The following SLC24A2 variants were observed in gnomAD, a reference collection of about 807,000 sequenced individuals.
SLC24A2 encodes solute carrier family 24 member 2, also known as sodium/potassium/calcium exchanger 2.
Under a neutral mutation model 62.0 loss-of-function variants are expected in SLC24A2, and 36 were observed. That is an observed-to-expected ratio of 0.58 (90% confidence interval 0.44 to 0.77). SLC24A2 has a LOEUF of 0.77. Among genes scored for constraint, SLC24A2 ranks in the 30% least tolerant of loss-of-function variants. The pLI, the probability that SLC24A2 is intolerant of heterozygous loss-of-function variation, is 0.00. For synonymous variants in SLC24A2, 358 were observed against 294.0 expected (o/e 1.22, Z -2.23); for missense variants, 846 against 817.9 (o/e 1.03, Z -0.42).
the SLC24A2 span, among the ~76,000 whole-genome samples, chr9:19,835,853 G>C: frequency 6.6e-6 from 1 of 152,160 alleles, no homozygotes; most frequent in Non-Finnish European, 1.5e-5. Context: ...AAATGTGAAA[G>C]AACAGAAATT....
chr9:20,062,711 A>G, the SLC24A2 span, among the ~76,000 whole-genome samples: 1 of 119,768 alleles, frequency 8.3e-6, no homozygotes, highest in African/African-American at 3.5e-5. Flanking sequence ...GGCAACCTAC[A>G]AAATGGGAGA....
At position 19,516,109 on chromosome 9, in the gene SLC24A2, G is replaced by A. The variant is rs780918051; in HGVS notation, c.*44C>T. On this transcript the variant is annotated 3_prime_UTR_variant, in exon 11 of 11. Coordinates refer to ENST00000341998, the MANE Select transcript of SLC24A2 (RefSeq NM_020344.4). ...TCAAGGAGCCCAGAGCCCAGAGTGTGGAGGGACCATTCATGCTGCTGGTGC... is the reference window on the plus strand; with the variant it reads ...TCAAGGAGCCCAGAGCCCAGAGTGTAGAGGGACCATTCATGCTGCTGGTGC... 9.3e-6 allele frequency: 15 copies of A among 1,612,606 alleles called. No individual in the cohort carries two copies. Among genetic ancestry groups the A allele is most frequent in the Non-Finnish European group, 1.3e-5 (15 of 1,179,134 alleles).
At chr9:20,303,976 G>A in the SLC24A2 span, among the ~76,000 whole-genome samples, 16 of 152,322 alleles carry the variant, frequency 1.1e-4, no homozygotes, top group African/African-American at 3.8e-4. Context: ...CTAAGTGACA[G>A]TGACCACATA....
chr9:20,144,119 A>C, the SLC24A2 span, among the ~76,000 whole-genome samples: 32 of 152,212 alleles, frequency 2.1e-4, no homozygotes, highest in Non-Finnish European at 3.4e-4. Flanking sequence ...AAGGACAGAA[A>C]TAAAAGAAGA....
At chr9:19,557,592 G>T (rs745639622) in intron 7 of SLC24A2, among the ~76,000 whole-genome samples, 1 of 152,154 alleles carries the variant, frequency 6.6e-6, no homozygotes, top group Non-Finnish European at 1.5e-5. Flanking sequence ...ATAAATGCTG[G>T]CAGGGCCAGC....
the SLC24A2 span, among the ~76,000 whole-genome samples, chr9:19,900,561 T>G: frequency 6.6e-6 from 1 of 152,166 alleles, no homozygotes; most frequent in Non-Finnish European, 1.5e-5. Context: ...CTCTTATGAG[T>G]CTCAGTTGCT....
At chr9:19,896,830 G>A in the SLC24A2 span, among the ~76,000 whole-genome samples, 5 of 152,144 alleles carry the variant, frequency 3.3e-5, no homozygotes, top group Non-Finnish European at 7.3e-5. Flanking sequence ...TTATATCATT[G>A]ATTTGTGAGG....
At chr9:20,022,589 T>C in the SLC24A2 span, among the ~76,000 whole-genome samples, 1 of 152,200 alleles carries the variant, frequency 6.6e-6, no homozygotes, top group Admixed American at 6.5e-5. Flanking sequence ...ACGTGCTTAC[T>C]GTCTCACCCA....
intron 5 of SLC24A2, among the ~76,000 whole-genome samples, chr9:19,584,240 A>C (rs919730062): frequency 1.4e-5 from 2 of 146,640 alleles, no homozygotes; most frequent in African/African-American, 5.1e-5. Context: ...CTTTCAAGTT[A>C]GTACAAGTCA....
chr9:20,266,420 G>A, the SLC24A2 span, among the ~76,000 whole-genome samples: 1 of 152,142 alleles, frequency 6.6e-6, no homozygotes, highest in Non-Finnish European at 1.5e-5. Context: ...GTCTCTGGGT[G>A]TTCCCTATAG....
At chr9:19,919,586 G>A in the SLC24A2 span, among the ~76,000 whole-genome samples, 4 of 152,098 alleles carry the variant, frequency 2.6e-5, no homozygotes, top group South Asian at 2.1e-4. Flanking sequence ...TTCCAAAAAA[G>A]TCTGTATTAA....
chr9:19,648,645 C>T (rs1328410777), intron 2 of SLC24A2, among the ~76,000 whole-genome samples: 15 of 152,108 alleles, frequency 9.9e-5, no homozygotes, highest in Admixed American at 9.8e-4. Flanking sequence ...ATAGGATAAG[C>T]ATTATTTAAT....
chr9:19,551,273 A>G (rs755266317), intron 7 of SLC24A2, among the ~76,000 whole-genome samples: 19 of 152,246 alleles, frequency 1.2e-4, no homozygotes, highest in Non-Finnish European at 2.4e-4. Context: ...CAAGCAAGAC[A>G]GTGAACCTGC....
the SLC24A2 span, among the ~76,000 whole-genome samples, chr9:20,236,641 A>C: frequency 2.6e-5 from 4 of 152,198 alleles, no homozygotes; most frequent in African/African-American, 4.8e-5. Context: ...CAAATGCTGA[A>C]TTTACAGTCA....
At chr9:20,078,550 C>T in the SLC24A2 span, among the ~76,000 whole-genome samples, 2 of 152,166 alleles carry the variant, frequency 1.3e-5, no homozygotes, top group Non-Finnish European at 2.9e-5. Context: ...GCTTCAATAA[C>T]TGTAGCTGTG....
the SLC24A2 span, among the ~76,000 whole-genome samples, chr9:20,041,628 A>G: frequency 4.6e-5 from 7 of 152,366 alleles, no homozygotes; most frequent in South Asian, 1.0e-3. Flanking sequence ...ACCCAACCCA[A>G]CAAACTGCTT....
chr9:20,038,230 A>C, the SLC24A2 span, among the ~76,000 whole-genome samples: 1 of 152,214 alleles, frequency 6.6e-6, no homozygotes, highest in Non-Finnish European at 1.5e-5. Context: ...AGCTTGAACA[A>C]GTTAACCTCT....
chr9:20,075,538 A>G, the SLC24A2 span, among the ~76,000 whole-genome samples: 97,780 of 152,058 alleles, frequency 0.64, 32,648 homozygotes, highest in East Asian at 0.95. Context: ...AATGTGGACT[A>G]CAATTCACAC....
chr9:19,585,555 A>T (rs1439165173), intron 5 of SLC24A2, among the ~76,000 whole-genome samples: 1 of 152,210 alleles, frequency 6.6e-6, no homozygotes, highest in Admixed American at 6.5e-5. Flanking sequence ...GGCTACTAAG[A>T]TGTCATTGCT....
Sources: allele counts gnomAD v4.1 joint callset (sites outside exome capture counted in the v4.1 genomes callset), GRCh38; gene constraint gnomAD v4.1.1; transcripts MANE v1.5; gene names NCBI Gene and HGNC (gene_info 2026-07-23, HGNC 2026-07-21).